SLC30A9: variants seen among roughly 807,000 people sequenced by gnomAD.
SLC30A9 encodes solute carrier family 30 member 9, also known as proton-coupled zinc antiporter SLC30A9, mitochondrial.
SLC30A9 carries 58 observed loss-of-function variants against 87.5 expected under a neutral mutation model. The ratio of observed to expected loss-of-function variants is 0.66; its 90% CI spans 0.54 to 0.82. The LOEUF is 0.82. Among genes scored for constraint, SLC30A9 ranks in the 40% least tolerant of loss-of-function variants. The pLI, the probability that SLC30A9 is intolerant of heterozygous loss-of-function variation, is 0.00. For synonymous variants in SLC30A9, 234 were observed against 233.0 expected (o/e 1.00, Z -0.04); for missense variants, 557 against 679.1 (o/e 0.82, Z 2.00).
chr4:41,996,130 CTT>C lies in SLC30A9; in HGVS notation c.109+5371_109+5372del, dbSNP rs1393954650. Among the ~76,000 whole-genome samples, 3 of 151,946 alleles carry C rather than the reference CTT, an allele frequency of 2.0e-5. 1 individual carries two copies. The highest frequency in any genetic ancestry group is 4.2e-4 in the South Asian group (2 of 4,814). Reference sequence around the variant, plus strand: ...GTTTTTTTTGAGATGGAGTTTTGCTCTTGTTTCCCAGGCTGAAATGCAATGGT... The same window carrying C: ...GTTTTTTTTGAGATGGAGTTTTGCTCGTTTCCCAGGCTGAAATGCAATGGT... On this transcript the variant is annotated intron_variant, in intron 1 of 17. Coordinates refer to ENST00000264451, the MANE Select transcript of SLC30A9 (RefSeq NM_006345.4).
chr4:42,063,226 T>G, intron 11 of SLC30A9, 105 bp downstream of exon 11: 1 of 963,574 alleles, frequency 1.0e-6, no homozygotes, highest in Non-Finnish European at 1.6e-6. Context: ...GACATACACC[T>G]TCTTGACTGT....
At chr4:42,065,239 C>T (rs565138805) in intron 11 of SLC30A9, 71 bp from the exon 12 acceptor site, 86 of 822,624 alleles carry the variant, frequency 1.0e-4, no homozygotes, top group South Asian at 5.8e-4. Flanking sequence ...TTAGACATTA[C>T]GGACTTTATA....
rs752689733 is a variant in SLC30A9 at position 42,038,975 on chromosome 4, T to G, written c.670-11T>G. 4 of 1,611,594 alleles carry G rather than the reference T, an allele frequency of 2.5e-6. No homozygotes were observed. The African/African-American group carries it at 4.0e-5, about 16-fold the overall frequency. ...TTGGAGGTATTAAAAAAAGTTTTTG[T>G]TTTTTTACAGCCACGCTCCAGAACA... On this transcript the variant is annotated splice_polypyrimidine_tract_variant and intron_variant, in intron 7 of 17. Transcript: ENST00000264451.
At chr4:42,068,019 C>G (rs184555394) in intron 14 of SLC30A9, among the ~76,000 whole-genome samples, 1 of 152,194 alleles carries the variant, frequency 6.6e-6, no homozygotes, top group South Asian at 2.1e-4. Flanking sequence ...TTACAATTTT[C>G]ACTTTGCAAA....
intron 17 of SLC30A9, among the ~76,000 whole-genome samples, chr4:42,084,798 GA>G (rs1279979342): frequency 2.0e-5 from 3 of 152,314 alleles, no homozygotes; most frequent in Admixed American, 1.3e-4. Context: ...GCACTCACAG[GA>G]AAAAGAAACC....
chr4:42,029,768 C>A, intron 6 of SLC30A9: 1 of 731,950 alleles, frequency 1.4e-6, no homozygotes, highest in South Asian at 1.4e-5. Flanking sequence ...GAGTTCTAGG[C>A]TTCAAACCTA....
At chr4:42,039,189 A>G in intron 8 of SLC30A9, 136 bp downstream of exon 8, 2 of 655,324 alleles carry the variant, frequency 3.1e-6, no homozygotes, top group Non-Finnish European at 5.4e-6. Context: ...AAATTGAATA[A>G]GTCTTTATTA....
chr4:42,062,254 TG>T (rs1717888304), intron 10 of SLC30A9, among the ~76,000 whole-genome samples: 1 of 152,156 alleles, frequency 6.6e-6, no homozygotes, highest in Admixed American at 6.5e-5. Flanking sequence ...CCACTGAGTT[TG>T]GGTTTGGGAC....
intron 17 of SLC30A9, among the ~76,000 whole-genome samples, chr4:42,079,057 CAA>C (rs1334357055): frequency 1.3e-5 from 2 of 152,040 alleles, no homozygotes; most frequent in Non-Finnish European, 2.9e-5. Flanking sequence ...ACAAGTACTT[CAA>C]ATAAGATTTT....
intron 2 of SLC30A9, 91 bp from the exon 3 acceptor site, chr4:42,018,020 C>T (rs1413623757): frequency 4.4e-6 from 3 of 676,580 alleles, no homozygotes; most frequent in East Asian, 5.8e-5. Context: ...CGTTTTTATG[C>T]ATTGCTATAT....
chr4:42,020,300 A>G, intron 3 of SLC30A9, 116 bp from the exon 4 acceptor site: 2 of 550,402 alleles, frequency 3.6e-6, no homozygotes, highest in Non-Finnish European at 3.2e-6. Flanking sequence ...ATTCAGTGAA[A>G]AAGATCAGTT....
intron 2 of SLC30A9, among the ~76,000 whole-genome samples, chr4:42,011,789 G>A (rs1236305493): frequency 2.0e-5 from 3 of 152,118 alleles, no homozygotes; most frequent in Non-Finnish European, 4.4e-5. Context: ...AGGGAATTTT[G>A]AAACACAAAC....
intron 6 of SLC30A9, among the ~76,000 whole-genome samples, chr4:42,023,825 C>T (rs778059845): frequency 2.0e-5 from 3 of 152,142 alleles, no homozygotes; most frequent in Non-Finnish European, 4.4e-5. Flanking sequence ...AGCATACAAT[C>T]ATGGCGCAAG....
At chr4:42,030,585 T>G (rs1331594208) in intron 6 of SLC30A9, among the ~76,000 whole-genome samples, 7 of 27,238 alleles carry the variant, frequency 2.6e-4, no homozygotes, top group African/African-American at 2.3e-4. Flanking sequence ...CATGGTCTTT[T>G]TTTTTTTTTT....
chr4:42,035,318 CTT>C lies in SLC30A9; in HGVS notation c.655_656del (p.Leu219GlyfsTer15). 1 of 1,602,418 alleles carries C rather than the reference CTT, an allele frequency of 6.2e-7. No individual in the cohort carries two copies. Among genetic ancestry groups the C allele is most frequent in the Non-Finnish European group, 8.5e-7 (1 of 1,172,092 alleles). Reference sequence around the variant, plus strand: ...AAATATTAAGAGAATACAGAGATTTCTTGGGAAATACCAAGGTATGGATATCT... The same window carrying C: ...AAATATTAAGAGAATACAGAGATTTCGGGAAATACCAAGGTATGGATATCT... ...QKILREYRDF[L>X]GNTKPRSRTA... On this transcript the variant is annotated frameshift_variant, in exon 7 of 18. Transcript: ENST00000264451. LOFTEE classifies it high-confidence loss of function.
intron 9 of SLC30A9, among the ~76,000 whole-genome samples, chr4:42,051,562 TAAAC>T (rs2153138689): frequency 6.6e-6 from 1 of 152,194 alleles, no homozygotes; most frequent in East Asian, 1.9e-4. Context: ...GTATAAAAAA[TAAAC>T]CAAATGAAAC....
intron 8 of SLC30A9, among the ~76,000 whole-genome samples, chr4:42,041,786 C>G (rs4485831): frequency 0.6 from 90,842 of 152,096 alleles, 32,825 homozygotes; most frequent in East Asian, 0.95. Flanking sequence ...TGGATAGGAA[C>G]AGATCCTGTC....
At chr4:41,998,249 T>A (rs1034178656) in intron 1 of SLC30A9, among the ~76,000 whole-genome samples, 1 of 152,198 alleles carries the variant, frequency 6.6e-6, no homozygotes, top group Non-Finnish European at 1.5e-5. Flanking sequence ...AGTAGACTGC[T>A]GATAGGATAC....
At chr4:41,996,842 TG>T (rs1450757025) in intron 1 of SLC30A9, among the ~76,000 whole-genome samples, 11 of 152,228 alleles carry the variant, frequency 7.2e-5, no homozygotes, top group African/African-American at 1.9e-4. Context: ...AAGACCAGTC[TG>T]GCCCACATGG....
Sources: gnomAD v4.1 joint callset for allele counts (sites outside exome capture counted in the v4.1 genomes callset) on GRCh38, gnomAD v4.1.1 for gene constraint, MANE v1.5 for transcripts, NCBI Gene and HGNC (gene_info 2026-07-23, HGNC 2026-07-21) for gene names.